KIF17: variants seen among roughly 807,000 people sequenced by gnomAD.
KIF17 encodes the protein kinesin-like protein KIF17.
In KIF17, 80 loss-of-function variants were observed where a neutral mutation model predicts 96.8. That is an observed-to-expected ratio of 0.83 (90% confidence interval 0.69 to 1.00). The LOEUF (loss-of-function observed/expected upper bound fraction) is 1.00. KIF17 is among the 50% of genes least tolerant of loss of function. The pLI is 0.00. For synonymous variants in KIF17, 567 were observed against 587.5 expected (o/e 0.97, Z 0.51); for missense variants, 1,280 against 1,372.9 (o/e 0.93, Z 1.07).
intron 5 of KIF17, among the ~76,000 whole-genome samples, chr1:20,701,545 G>T (rs570786962): frequency 4.5e-4 from 68 of 152,322 alleles, no homozygotes; most frequent in African/African-American, 1.5e-3. Flanking sequence ...CCTGAGCAGC[G>T]AGTGCAGAGA....
At position 20,685,113 on chromosome 1, in the gene KIF17, C is replaced by T. The variant is rs1237740883; in HGVS notation, c.2020-93G>A. On this transcript the variant is annotated intron_variant, in intron 9 of 14. Coordinates refer to ENST00000400463, the MANE Select transcript of KIF17 (RefSeq NM_001122819.3). The surrounding 1 kb of genome is among the most constrained non-coding windows in gnomAD (Gnocchi z 4.1). ...TGGCTCAATCCCAGACGGGGCCATT[C>T]CGCCTGCTGCAGCCCCGACAGATCA... 1.0e-6 allele frequency: 1 copy of T among 968,308 alleles called. No homozygotes were observed. Among genetic ancestry groups the T allele is most frequent in the Non-Finnish European group, 1.6e-6 (1 of 615,452 alleles). 60.0% of individuals were successfully genotyped at this position (968,308 alleles called of 1,614,324 possible). A position where few individuals can be genotyped will look rare whatever the true frequency, so the allele number is the denominator to read the frequency against.
intron 4 of KIF17, among the ~76,000 whole-genome samples, chr1:20,708,357 G>A (rs368049931): frequency 2.6e-5 from 4 of 152,256 alleles, no homozygotes; most frequent in East Asian, 1.9e-4. Context: ...GCAGTGGTGC[G>A]ATCTCAGATC....
intron 10 of KIF17, among the ~76,000 whole-genome samples, chr1:20,684,114 C>T (rs910563423): frequency 6.6e-6 from 1 of 152,220 alleles, no homozygotes; most frequent in African/African-American, 2.4e-5. Context: ...GCAAGTTGGC[C>T]CGAGGTGGCA....
chr1:20,674,801 A>G lies in KIF17; in HGVS notation c.2464-2605T>C, dbSNP rs566645940. ...GTGAATATCCAGTTGTCCCCGCACC[A>G]TTTATTGACAAGACTGTCCTTTCAC... On this transcript the variant is annotated intron_variant, in intron 11 of 14. Coordinates refer to ENST00000400463, the MANE Select transcript of KIF17 (RefSeq NM_001122819.3). 6.6e-5 allele frequency among the ~76,000 whole-genome samples: 10 copies of G among 152,208 alleles called. No individual in the cohort carries two copies. In the East Asian group the frequency reaches 1.7e-3, roughly 26 times the overall value.
chr1:20,664,656 C>G lies in KIF17; in HGVS notation c.3015G>C (p.Glu1005Asp). The change falls in exon 15 of 15, where the codon GAG becomes GAC. Residue 1005 changes from glutamate (E) to aspartate (D), a missense_variant. Glu to Asp is a conservative substitution (Grantham distance 45). Transcript: ENST00000400463. ...CCTTGGTGAAAGGGATGTCGAGGGA[C>G]TCGAGGCGGAAGGGCCGGGGCTGGG... Reference protein sequence around the residue: ...EMPQPRPFRLESLDIPFTKAK... With the variant: ...EMPQPRPFRLDSLDIPFTKAK... 7.0e-7 allele frequency: 1 copy of G among 1,431,074 alleles called. No individual in the cohort carries two copies. Among genetic ancestry groups the G allele is most frequent in the Non-Finnish European group, 9.4e-7 (1 of 1,065,618 alleles). 88.6% of individuals were successfully genotyped at this position (1,431,074 alleles called of 1,614,324 possible).
intron 11 of KIF17, among the ~76,000 whole-genome samples, chr1:20,674,564 A>C (rs1041595258): frequency 6.2e-5 from 9 of 144,028 alleles, no homozygotes; most frequent in African/African-American, 2.3e-4. Context: ...TGCACCATCC[A>C]ATTTATCCCT....
chr1:20,665,439 G>A (rs924859605), intron 14 of KIF17, among the ~76,000 whole-genome samples: 6 of 128,220 alleles, frequency 4.7e-5, no homozygotes, highest in African/African-American at 1.8e-4. Flanking sequence ...TCACTCTGTC[G>A]CCTAGACCGG....
chr1:20,681,779 T>C (rs983183723), intron 11 of KIF17, among the ~76,000 whole-genome samples: 2 of 152,126 alleles, frequency 1.3e-5, no homozygotes, highest in Admixed American at 6.6e-5. Context: ...CCAATGCTCC[T>C]CCTCATGCCA....
intron 5 of KIF17, among the ~76,000 whole-genome samples, chr1:20,703,159 G>T (rs1185848447): frequency 1.7e-5 from 2 of 119,896 alleles, no homozygotes; most frequent in Non-Finnish European, 3.4e-5. Flanking sequence ...ATAGAAGGAA[G>T]GATGGAGATG....
At chr1:20,691,587 G>A (rs1361019663) in intron 6 of KIF17, among the ~76,000 whole-genome samples, 2 of 150,754 alleles carry the variant, frequency 1.3e-5, no homozygotes, top group Non-Finnish European at 2.9e-5. Context: ...CCAAGTAGCT[G>A]GGATTACAGT....
chr1:20,714,444 C>A (rs780431351), intron 2 of KIF17, among the ~76,000 whole-genome samples: 1 of 152,006 alleles, frequency 6.6e-6, no homozygotes, highest in African/African-American at 2.4e-5. Flanking sequence ...GAGCCAAGAT[C>A]GCGCCATTGC....
Position 20,704,567 on chromosome 1 carries a change from T to A in KIF17, c.1003A>T (p.Ile335Phe). 1 of 1,614,180 alleles carries A rather than the reference T, an allele frequency of 6.2e-7. No individual in the cohort carries two copies. Among genetic ancestry groups the A allele is most frequent in the Non-Finnish European group, 8.5e-7 (1 of 1,180,018 alleles). Residue 335 changes from isoleucine (I) to phenylalanine (F), a missense_variant, in exon 5 of 15, where the codon ATC becomes TTC. Coordinates refer to ENST00000400463, the MANE Select transcript of KIF17 (RefSeq NM_001122819.3). This position sits in a 1 kb window ranked among gnomAD's most constrained non-coding sequence, Gnocchi z 6.8. The stretch of plus-strand genomic sequence containing the variant: ...TCATTGATGCGCGGCTTGTTCCTGA[T>A]GTTCTTGGCCCGGTTGGCGTAGCGC... ...TLRYANRAKN[I>F]RNKPRINEDP... is the part of the protein sequence containing the mutation.
intron 3 of KIF17, among the ~76,000 whole-genome samples, chr1:20,712,608 A>ATATAATATAGATATTATC (rs2054465953): frequency 4.8e-5 from 1 of 20,796 alleles, no homozygotes; most frequent in African/African-American, 1.2e-4. Context: ...ATATATCTAT[A>ATATAATATAGATATTATC]TATATATAAT....
intron 2 of KIF17, among the ~76,000 whole-genome samples, chr1:20,714,796 CA>C (rs34182653): frequency 0.017 from 1,781 of 107,604 alleles, 8 homozygotes; most frequent in Middle Eastern, 0.052. Flanking sequence ...GACTCCGTCT[CA>C]AAAAAAAAAA....
At chr1:20,702,170 C>G (rs2054249948) in intron 5 of KIF17, among the ~76,000 whole-genome samples, 1 of 152,134 alleles carries the variant, frequency 6.6e-6, no homozygotes, top group African/African-American at 2.4e-5. Flanking sequence ...TATGATGTCC[C>G]CTTTACAGAT....
At chr1:20,684,729 G>T in intron 10 of KIF17, 80 bp downstream of exon 10, 1 of 1,389,986 alleles carries the variant, frequency 7.2e-7, no homozygotes, top group Non-Finnish European at 9.9e-7. Flanking sequence ...GGAAGCTATG[G>T]CACCCCCGCC....
At position 20,713,447 on chromosome 1, in the gene KIF17, C is replaced by T. The variant is rs914644102; in HGVS notation, c.480+7G>A. The T allele has an allele frequency of 6.2e-7, 1 of 1,607,824 alleles. No individual in the cohort carries two copies. Among genetic ancestry groups the T allele is most frequent in the African/African-American group, 1.3e-5 (1 of 74,722 alleles). On this transcript the variant is annotated splice_region_variant and intron_variant, in intron 3 of 14. Transcript: ENST00000400463. Reference sequence around the variant, plus strand: ...GCCCCACCTGCCCACAATGGGTCTGCACCCACCTCCAGCTTCTGCTTGGTG... The same window carrying T: ...GCCCCACCTGCCCACAATGGGTCTGTACCCACCTCCAGCTTCTGCTTGGTG...
downstream of KIF17, among the ~76,000 whole-genome samples, chr1:20,662,795 G>A (rs1049223474): frequency 1.1e-4 from 17 of 152,182 alleles, no homozygotes; most frequent in Non-Finnish European, 2.1e-4. Context: ...CACACCTCCT[G>A]CCTTTTGCTT....
chr1:20,713,966 C>A lies in KIF17; in HGVS notation c.379-411G>T, dbSNP rs562241738. Among the ~76,000 whole-genome samples the A allele has an allele frequency of 7.2e-5, 11 of 152,232 alleles. No individual in the cohort carries two copies. In the South Asian group the frequency reaches 2.3e-3, roughly 32 times the overall value. ...CTTTCGGAGGCCTAGGTGGTTGGAT[C>A]ACCTGAGGTCAGGAGTTCGAGACCA... On this transcript the variant is annotated intron_variant, in intron 2 of 14. Transcript: ENST00000400463.
Sources: allele counts gnomAD v4.1 joint callset (sites outside exome capture counted in the v4.1 genomes callset), GRCh38; gene constraint gnomAD v4.1.1; non-coding constraint Gnocchi (gnomAD v3.1); transcripts MANE v1.5; gene names NCBI Gene and HGNC (gene_info 2026-07-23, HGNC 2026-07-21).